MARCHF5: variants seen among roughly 807,000 people sequenced by gnomAD.
MARCHF5 encodes membrane associated ring-CH-type finger 5.
Under a neutral mutation model 36.5 loss-of-function variants are expected in MARCHF5, and 5 were observed. That is an observed-to-expected ratio of 0.14 (90% confidence interval 0.07 to 0.29). MARCHF5 has a LOEUF of 0.29. Among genes scored for constraint, MARCHF5 ranks in the 10% least tolerant of loss-of-function variants. The pLI is 1.00. For missense variants in MARCHF5, 179 were observed against 336.3 expected (o/e 0.53, Z 3.66); for synonymous variants, 103 against 109.9 (o/e 0.94, Z 0.39).
intron 1 of MARCHF5, among the ~76,000 whole-genome samples, chr10:92,294,034 A>G (rs1000798852): frequency 3.3e-5 from 5 of 152,110 alleles, no homozygotes; most frequent in Non-Finnish European, 5.9e-5. Flanking sequence ...ATATGCATGG[A>G]TGCTGGACTG....
At chr10:92,345,573 A>G (rs546569778) in intron 3 of MARCHF5, among the ~76,000 whole-genome samples, 1 of 152,302 alleles carries the variant, frequency 6.6e-6, no homozygotes, top group South Asian at 2.1e-4. Context: ...TTCAGCAGCA[A>G]TGAACTGCAG....
intron 1 of MARCHF5, among the ~76,000 whole-genome samples, chr10:92,300,499 A>G (rs906665424): frequency 4.0e-5 from 6 of 148,164 alleles, no homozygotes; most frequent in Admixed American, 2.7e-4. Context: ...CCCTGTCTCA[A>G]AAAAAAAAAA....
chr10:92,295,975 G>A (rs997110081), intron 1 of MARCHF5, among the ~76,000 whole-genome samples: 4 of 151,060 alleles, frequency 2.6e-5, no homozygotes, highest in African/African-American at 7.3e-5. Context: ...TCTCGGGTTC[G>A]CGTGATTCTC....
chr10:92,295,399 A>ATT (rs1234961486), intron 1 of MARCHF5, among the ~76,000 whole-genome samples: 1 of 65,014 alleles, frequency 1.5e-5, no homozygotes, highest in African/African-American at 5.2e-5. Flanking sequence ...TTATTTATTT[A>ATT]TTTATTTATT....
At chr10:92,301,615 G>T (rs1360195173) in intron 1 of MARCHF5, among the ~76,000 whole-genome samples, 1 of 152,198 alleles carries the variant, frequency 6.6e-6, no homozygotes, top group African/African-American at 2.4e-5. Flanking sequence ...ATAAATGATT[G>T]CTCAGTATTC....
chr10:92,332,418 G>A (rs1843446526), intron 2 of MARCHF5, among the ~76,000 whole-genome samples: 1 of 151,832 alleles, frequency 6.6e-6, no homozygotes, highest in Admixed American at 6.6e-5. Flanking sequence ...CTTTTCTGGG[G>A]CTCTTGGACC....
At chr10:92,313,628 A>G (rs1357787164) in intron 2 of MARCHF5, among the ~76,000 whole-genome samples, 1 of 150,416 alleles carries the variant, frequency 6.6e-6, no homozygotes, top group Non-Finnish European at 1.5e-5. Context: ...GTGGCGGGTC[A>G]CAGTGGCTCA....
intron 2 of MARCHF5, among the ~76,000 whole-genome samples, chr10:92,327,326 A>G (rs1481687348): frequency 7.0e-6 from 1 of 143,592 alleles, no homozygotes; most frequent in Non-Finnish European, 1.5e-5. Context: ...TTTTTCTATT[A>G]AAAGTAGCCT....
chr10:92,299,281 A>G (rs777921385), intron 1 of MARCHF5, among the ~76,000 whole-genome samples: 3 of 152,196 alleles, frequency 2.0e-5, no homozygotes, highest in Non-Finnish European at 4.4e-5. Context: ...TGCGATTTCT[A>G]TACTTAAAAA....
intron 2 of MARCHF5, among the ~76,000 whole-genome samples, chr10:92,320,153 A>AAGGGATCCTCCTGCTTC (rs2135194867): frequency 6.6e-6 from 1 of 151,834 alleles, no homozygotes; most frequent in East Asian, 1.9e-4. Context: ...TCCTGGGCTC[A>AAGGGATCCTCCTGCTTC]AGGGATCCTC....
At chr10:92,326,482 G>A (rs937410697) in intron 2 of MARCHF5, among the ~76,000 whole-genome samples, 4 of 152,098 alleles carry the variant, frequency 2.6e-5, no homozygotes, top group African/African-American at 9.7e-5. Context: ...CAGCTAATAG[G>A]CCACATATGG....
chr10:92,300,800 G>A (rs1480190554), intron 1 of MARCHF5, among the ~76,000 whole-genome samples: 2 of 150,570 alleles, frequency 1.3e-5, no homozygotes, highest in Non-Finnish European at 3.0e-5. Context: ...GTTCTGCCTT[G>A]TTTATAATGC....
At chr10:92,328,821 ATTTTTTTT>A (rs34713388) in intron 2 of MARCHF5, among the ~76,000 whole-genome samples, 2 of 122,444 alleles carry the variant, frequency 1.6e-5, no homozygotes. Flanking sequence ...ATATATATAT[ATTTTTTTT>A]TTTTTTACAG....
At chr10:92,326,929 A>G (rs1843368035) in intron 2 of MARCHF5, among the ~76,000 whole-genome samples, 1 of 152,154 alleles carries the variant, frequency 6.6e-6, no homozygotes, top group Admixed American at 6.5e-5. Context: ...CCATGGTGCC[A>G]AGTAAGTTTT....
intron 2 of MARCHF5, among the ~76,000 whole-genome samples, chr10:92,314,153 A>T (rs1188363139): frequency 6.6e-6 from 1 of 152,150 alleles, no homozygotes; most frequent in Admixed American, 6.5e-5. Flanking sequence ...TTGGGGCTGC[A>T]TTGAGCTATG....
chr10:92,349,644 C>T, intron 4 of MARCHF5, 27 bp from the exon 5 acceptor site: 1 of 1,610,588 alleles, frequency 6.2e-7, no homozygotes. Flanking sequence ...TTTATTAGCA[C>T]TAACGCACTG....
chr10:92,300,695 C>T (rs1292706170), intron 1 of MARCHF5, among the ~76,000 whole-genome samples: 3 of 152,100 alleles, frequency 2.0e-5, no homozygotes, highest in African/African-American at 4.8e-5. Context: ...AACTGGCTTG[C>T]GCACTTTCTT....
At position 92,332,049 on chromosome 10, in the gene MARCHF5, T is replaced by G. The variant is rs752612198; in HGVS notation, c.239-8624T>G. Among the ~76,000 whole-genome samples the G allele has an allele frequency of 2.3e-4, 35 of 149,146 alleles. 1 individual carries two copies. The highest frequency in any genetic ancestry group is 5.9e-5 in the Non-Finnish European group (4 of 67,448). On this transcript the variant is annotated intron_variant, in intron 2 of 5. Transcript: ENST00000358935. ...TCAGGGTTGTTTGGGTTAGTTGGTT[T>G]GTTTGTGGGTCCTTTTTTTTTTCTT...
At chr10:92,330,236 T>A (rs999663209) in intron 2 of MARCHF5, among the ~76,000 whole-genome samples, 2 of 152,342 alleles carry the variant, frequency 1.3e-5, no homozygotes, top group South Asian at 4.1e-4. Flanking sequence ...TGTTTACTGC[T>A]GGATCATGTT....
Sources: gnomAD v4.1 joint callset for allele counts (sites outside exome capture counted in the v4.1 genomes callset) on GRCh38, gnomAD v4.1.1 for gene constraint, MANE v1.5 for transcripts, NCBI Gene and HGNC (gene_info 2026-07-23, HGNC 2026-07-21) for gene names.